The following SND1 variants were observed in gnomAD, a reference collection of about 807,000 sequenced individuals.
SND1 encodes the protein staphylococcal nuclease and tudor domain containing 1, also known as staphylococcal nuclease domain-containing protein 1.
SND1 carries 38 observed loss-of-function variants against 121.7 expected under a neutral mutation model. The observed-to-expected ratio is 0.31, with a 90% CI of 0.24 to 0.41. The LOEUF is 0.41. Among genes scored for constraint, SND1 ranks in the 10% least tolerant of loss-of-function variants. SND1 has a pLI of 1.00. For missense variants in SND1, 868 were observed against 1,184.6 expected (o/e 0.73, Z 3.92); for synonymous variants, 401 against 447.4 (o/e 0.90, Z 1.31).
intron 14 of SND1, among the ~76,000 whole-genome samples, chr7:127,922,175 C>CTTTTTTTTTTTTTTTTTTTTTTTTTTT (rs1158535023): frequency 2.6e-4 from 15 of 57,192 alleles, no homozygotes; most frequent in Non-Finnish European, 3.6e-4. Flanking sequence ...TTTTTCTTTC[C>CTTTTTTTTTTTTTTTTTTTTTTTTTTT]TTTTTTTTTT....
chr7:128,063,524 T>C (rs78553930), intron 16 of SND1, among the ~76,000 whole-genome samples: 1 of 152,226 alleles, frequency 6.6e-6, no homozygotes. Flanking sequence ...GTGCCATGCA[T>C]GTACCCAAAG....
At chr7:128,037,129 G>A (rs1295082112) in intron 16 of SND1, among the ~76,000 whole-genome samples, 1 of 152,184 alleles carries the variant, frequency 6.6e-6, no homozygotes, top group Non-Finnish European at 1.5e-5. Context: ...CACATAGTTG[G>A]TGATTTAAAG....
intron 14 of SND1, 148 bp downstream of exon 14, chr7:127,904,967 C>G (rs1800308183): frequency 1.7e-6 from 1 of 589,000 alleles, no homozygotes; most frequent in Non-Finnish European, 3.1e-6. Context: ...GGGGCATCTA[C>G]TTAGGTATCT....
chr7:128,084,637 T>C, intron 18 of SND1, 87 bp from the exon 19 acceptor site: 3 of 1,420,700 alleles, frequency 2.1e-6, no homozygotes, highest in Non-Finnish European at 2.8e-6. Context: ...TACATTGAGC[T>C]CCCTCCCCAA....
chr7:127,974,219 A>T (rs1802063344), intron 15 of SND1, among the ~76,000 whole-genome samples: 1 of 152,244 alleles, frequency 6.6e-6, no homozygotes, highest in Admixed American at 6.5e-5. Context: ...ACTCATCCAC[A>T]AAGATTTAAT....
At chr7:127,775,008 G>A (rs191094554) in intron 10 of SND1, among the ~76,000 whole-genome samples, 124 of 152,276 alleles carry the variant, frequency 8.1e-4, no homozygotes, top group African/African-American at 2.6e-3. Flanking sequence ...AGTTAGATGC[G>A]ATCATGCTGG....
chr7:128,005,502 T>C (rs899574885), intron 16 of SND1, among the ~76,000 whole-genome samples: 1 of 152,214 alleles, frequency 6.6e-6, no homozygotes, highest in African/African-American at 2.4e-5. Flanking sequence ...TCAATAGCAA[T>C]TCACCTTTTC....
intron 13 of SND1, among the ~76,000 whole-genome samples, chr7:127,896,200 T>C (rs923613434): frequency 1.3e-5 from 2 of 152,098 alleles, no homozygotes; most frequent in Admixed American, 1.3e-4. Context: ...GGTTCAGCTA[T>C]GACCACTTAT....
At chr7:128,080,517 T>A in intron 17 of SND1, among the ~76,000 whole-genome samples, 1 of 152,180 alleles carries the variant, frequency 6.6e-6, no homozygotes, top group Non-Finnish European at 1.5e-5. Context: ...TTCCCCAGCC[T>A]AGGGCTGTGG....
intron 15 of SND1, among the ~76,000 whole-genome samples, chr7:127,958,415 C>G (rs1395505838): frequency 1.3e-5 from 2 of 152,210 alleles, no homozygotes; most frequent in East Asian, 3.9e-4. Flanking sequence ...CGTATCAACT[C>G]TGGAACTATT....
At chr7:128,043,225 C>A (rs1792886654) in intron 16 of SND1, among the ~76,000 whole-genome samples, 1 of 152,124 alleles carries the variant, frequency 6.6e-6, no homozygotes, top group Non-Finnish European at 1.5e-5. Context: ...TTCAGTGATG[C>A]TGGGTTTTTT....
intron 16 of SND1, among the ~76,000 whole-genome samples, chr7:128,073,415 C>G (rs1041357298): frequency 6.6e-6 from 1 of 152,114 alleles, no homozygotes; most frequent in Non-Finnish European, 1.5e-5. Flanking sequence ...TGGGAGGAAG[C>G]GAGGGTCCTG....
chr7:127,938,451 G>A (rs1202873191), intron 15 of SND1, among the ~76,000 whole-genome samples: 1 of 152,220 alleles, frequency 6.6e-6, no homozygotes, highest in Admixed American at 6.5e-5. Context: ...GTTATCAAAA[G>A]CATAGGCCAC....
At chr7:127,992,850 C>A (rs1056685481) in intron 16 of SND1, among the ~76,000 whole-genome samples, 4 of 152,162 alleles carry the variant, frequency 2.6e-5, no homozygotes, top group Admixed American at 2.6e-4. Context: ...GTTATTGCGA[C>A]CTTACCTTTG....
chr7:127,735,631 T>C (rs1255800702), intron 10 of SND1, among the ~76,000 whole-genome samples: 2 of 152,126 alleles, frequency 1.3e-5, no homozygotes, highest in Non-Finnish European at 2.9e-5. Context: ...TTTGTTGTTG[T>C]TGTTGTTTTT....
At chr7:127,910,677 A>G (rs1392314458) in intron 14 of SND1, among the ~76,000 whole-genome samples, 1 of 152,084 alleles carries the variant, frequency 6.6e-6, no homozygotes, top group East Asian at 1.9e-4. Context: ...TGATGGCACA[A>G]ATGCTCTCTG....
intron 10 of SND1, among the ~76,000 whole-genome samples, chr7:127,773,834 A>T (rs761760702): frequency 3.3e-5 from 5 of 152,234 alleles, no homozygotes; most frequent in Non-Finnish European, 5.9e-5. Flanking sequence ...GACAGACCAC[A>T]TATACTCTTT....
At chr7:127,822,665 T>C (rs535784701) in intron 11 of SND1, among the ~76,000 whole-genome samples, 1 of 152,374 alleles carries the variant, frequency 6.6e-6, no homozygotes, top group African/African-American at 2.4e-5. Flanking sequence ...CTTGAGTGTG[T>C]ATTACTCTAA....
intron 13 of SND1, among the ~76,000 whole-genome samples, chr7:127,896,739 G>A (rs545473208): frequency 1.3e-5 from 2 of 152,178 alleles, no homozygotes; most frequent in African/African-American, 4.8e-5. Flanking sequence ...CTTGACTCCT[G>A]TCTCTTTCCC....
Sources: allele counts gnomAD v4.1 joint callset (sites outside exome capture counted in the v4.1 genomes callset), GRCh38; gene constraint gnomAD v4.1.1; transcripts MANE v1.5; gene names NCBI Gene and HGNC (gene_info 2026-07-23, HGNC 2026-07-21).